Variants in DCC observed in about 807,000 individuals in gnomAD.
DCC encodes netrin receptor DCC.
In DCC, 58 loss-of-function variants were observed where a neutral mutation model predicts 172.5. The ratio of observed to expected loss-of-function variants is 0.34; its 90% CI spans 0.27 to 0.42. The LOEUF (loss-of-function observed/expected upper bound fraction) is 0.42. Among genes scored for constraint, DCC ranks in the 10% least tolerant of loss-of-function variants. The pLI is 1.00. For missense variants in DCC, 1,740 were observed against 1,791.0 expected (o/e 0.97, Z 0.51); for synonymous variants, 709 against 644.5 (o/e 1.10, Z -1.52).
At chr18:52,919,106 A>G (rs2040081306) in intron 3 of DCC, among the ~76,000 whole-genome samples, 1 of 152,136 alleles carries the variant, frequency 6.6e-6, no homozygotes, top group Admixed American at 6.6e-5. Context: ...TGCCTCAGTT[A>G]TTCTCCACGT....
chr18:52,945,260 C>T (rs550828566), intron 5 of DCC, among the ~76,000 whole-genome samples: 52 of 152,222 alleles, frequency 3.4e-4, no homozygotes, highest in African/African-American at 1.2e-3. Context: ...TTTATATGAA[C>T]AATGCTTAAG....
chr18:52,780,042 T>G (rs376353979), intron 2 of DCC, among the ~76,000 whole-genome samples: 5 of 150,364 alleles, frequency 3.3e-5, no homozygotes, highest in African/African-American at 1.2e-4. Flanking sequence ...TGGATATAAT[T>G]TACTACTTCA....
chr18:53,489,667 A>G (rs1004106244), intron 26 of DCC, among the ~76,000 whole-genome samples: 2 of 152,236 alleles, frequency 1.3e-5, no homozygotes, highest in Non-Finnish European at 2.9e-5. Context: ...GAAATGAATC[A>G]CTAAAGTCCT....
chr18:53,237,032 T>C lies in DCC; in HGVS notation c.1911+21435T>C, dbSNP rs2056213663. ...AGTACTCTAATATGGTTCTTTTTTT[T>C]CCAAAATGGAATGTAACTATTTATA... On this transcript the variant is annotated intron_variant, in intron 12 of 28. Transcript: ENST00000442544. 4 of 152,130 alleles carry C rather than the reference T, an allele frequency of 2.6e-5. No homozygotes were observed. The South Asian group carries it at 8.3e-4, about 32-fold the overall frequency. The allele number at this position is 152,130 out of a possible 1,614,324, so 9.4% of individuals were successfully genotyped here. A position where few individuals can be genotyped will look rare whatever the true frequency, so the allele number is the denominator to read the frequency against.
At chr18:53,348,795 G>A (rs949318467) in intron 15 of DCC, among the ~76,000 whole-genome samples, 5 of 152,160 alleles carry the variant, frequency 3.3e-5, no homozygotes, top group African/African-American at 4.8e-5. Flanking sequence ...CATGGCAGGA[G>A]TGGCTGGAAC....
chr18:53,154,201 C>T lies in DCC; in HGVS notation c.1262-3155C>T, dbSNP rs144975500. On this transcript the variant is annotated intron_variant, in intron 7 of 28. Transcript: ENST00000442544. ...CTGAGGCATGTCCTGTACTGACTCCCAGAGTCCCCGATGGGATTTGCCCTT... is the reference window on the plus strand; with the variant it reads ...CTGAGGCATGTCCTGTACTGACTCCTAGAGTCCCCGATGGGATTTGCCCTT... Among the ~76,000 whole-genome samples, 565 of 152,230 alleles carry T rather than the reference C, an allele frequency of 3.7e-3. 2 individuals carry two copies. The highest frequency in any genetic ancestry group is 0.013 in the African/African-American group (546 of 41,546).
chr18:53,098,167 G>A (rs1403599897), intron 7 of DCC, among the ~76,000 whole-genome samples: 1 of 151,878 alleles, frequency 6.6e-6, no homozygotes, highest in Non-Finnish European at 1.5e-5. Flanking sequence ...TTAGCTCAGT[G>A]TAGAATGGTA....
chr18:52,496,246 T>C (rs960306515), intron 1 of DCC, among the ~76,000 whole-genome samples: 2 of 152,152 alleles, frequency 1.3e-5, no homozygotes, highest in Non-Finnish European at 2.9e-5. Flanking sequence ...TTTTAGCTTA[T>C]AATATTCATA....
rs566450869 is a variant in DCC at position 52,970,925 on chromosome 18, C to T, written c.985+45555C>T. On this transcript the variant is annotated intron_variant, in intron 5 of 28. Coordinates refer to ENST00000442544, the MANE Select transcript of DCC (RefSeq NM_005215.4). ...CTAAGCAGCATCTTCATAACTCTGGCTCCTAAAACTAATGTTGTGAAGCTT... is the reference window on the plus strand; with the variant it reads ...CTAAGCAGCATCTTCATAACTCTGGTTCCTAAAACTAATGTTGTGAAGCTT... Among the ~76,000 whole-genome samples, 70 of 152,266 alleles carry T rather than the reference C, an allele frequency of 4.6e-4. No homozygotes were observed. The South Asian group carries it at 0.013, about 28-fold the overall frequency.
rs779903242 is a variant in DCC at position 53,215,561 on chromosome 18, G to A, written c.1875G>A (p.Pro625=). The change falls in exon 12 of 29, where the codon CCG becomes CCA. Residue 625 remains proline, a synonymous_variant. Coordinates refer to ENST00000442544, the MANE Select transcript of DCC (RefSeq NM_005215.4). ...GATTCCTTTTAGTGCCAAGTGCCCCGCCTCAGAACGTCTCCCTGGAAGTGG... is the reference window on the plus strand; with the variant it reads ...GATTCCTTTTAGTGCCAAGTGCCCCACCTCAGAACGTCTCCCTGGAAGTGG... ...VVTLSDVPSA[P]PQNVSLEVVN... is the part of the protein sequence containing the mutation. 55 of 1,613,598 alleles carry A rather than the reference G, an allele frequency of 3.4e-5. No homozygotes were observed. The Admixed American group carries it at 4.8e-4, about 14-fold the overall frequency.
chr18:52,505,436 G>GTC lies in DCC; in HGVS notation c.91+164562_91+164563dup, dbSNP rs1221632760. Among the ~76,000 whole-genome samples, 4 of 152,056 alleles carry GTC rather than the reference G, an allele frequency of 2.6e-5. No individual in the cohort carries two copies. The East Asian group carries it at 7.7e-4, about 29-fold the overall frequency. ...ATTTCAACACAGTTCTTCTCCCTTGGTCTCTGATTCTTCTCTAACACATTT... is the reference window on the plus strand; with the variant it reads ...ATTTCAACACAGTTCTTCTCCCTTGGTCTCTCTGATTCTTCTCTAACACATTT... On this transcript the variant is annotated intron_variant, in intron 1 of 28. Transcript: ENST00000442544.
chr18:52,908,890 G>A (rs1476994533), intron 3 of DCC, among the ~76,000 whole-genome samples: 10 of 152,068 alleles, frequency 6.6e-5, no homozygotes, highest in African/African-American at 9.7e-5. Context: ...AGTTAAGATA[G>A]TACATGCACG....
intron 5 of DCC, among the ~76,000 whole-genome samples, chr18:53,036,222 A>G (rs1007608157): frequency 3.9e-5 from 6 of 152,048 alleles, no homozygotes; most frequent in African/African-American, 1.4e-4. Flanking sequence ...TAGGATGTGT[A>G]CCTACACAAT....
At chr18:52,436,207 G>A (rs1987789839) in intron 1 of DCC, among the ~76,000 whole-genome samples, 1 of 152,262 alleles carries the variant, frequency 6.6e-6, no homozygotes, top group Non-Finnish European at 1.5e-5. Context: ...AGGAGAGAAG[G>A]AAAGAGCTAG....
At chr18:52,984,412 T>G (rs2041260157) in intron 5 of DCC, among the ~76,000 whole-genome samples, 1 of 152,112 alleles carries the variant, frequency 6.6e-6, no homozygotes, top group South Asian at 2.1e-4. Flanking sequence ...TTTTCTATTT[T>G]TTGTTATATG....
At chr18:52,821,732 G>A (rs1416369028) in intron 2 of DCC, among the ~76,000 whole-genome samples, 1 of 152,178 alleles carries the variant, frequency 6.6e-6, no homozygotes, top group African/African-American at 2.4e-5. Flanking sequence ...GTATGTATCT[G>A]TTTGCTTGTG....
At chr18:52,854,661 A>G (rs1478873863) in intron 2 of DCC, among the ~76,000 whole-genome samples, 2 of 152,226 alleles carry the variant, frequency 1.3e-5, no homozygotes, top group Non-Finnish European at 2.9e-5. Flanking sequence ...TCTGTTTTTA[A>G]CTGACTGTGA....
chr18:52,361,697 G>A (rs895555686), intron 1 of DCC, among the ~76,000 whole-genome samples: 2 of 152,160 alleles, frequency 1.3e-5, no homozygotes, highest in Admixed American at 6.5e-5. Flanking sequence ...TACTGAATTC[G>A]AATCTACATT....
intron 12 of DCC, among the ~76,000 whole-genome samples, chr18:53,289,063 G>A (rs2056967883): frequency 6.6e-6 from 1 of 152,140 alleles, no homozygotes; most frequent in Non-Finnish European, 1.5e-5. Context: ...GGAGGCTGCA[G>A]TGGGTATCAC....
Sources: gnomAD v4.1 joint callset for allele counts (sites outside exome capture counted in the v4.1 genomes callset) on GRCh38, gnomAD v4.1.1 for gene constraint, MANE v1.5 for transcripts, NCBI Gene and HGNC (gene_info 2026-07-23, HGNC 2026-07-21) for gene names.